Variants in TBC1D19 observed in about 807,000 individuals in gnomAD.
TBC1D19 encodes TBC1 domain family member 19, also known as TBC1 domain family, member 19.
In TBC1D19, 60 loss-of-function variants were observed where a neutral mutation model predicts 89.0. The observed-to-expected ratio is 0.67, with a 90% CI of 0.55 to 0.84. TBC1D19 has a LOEUF of 0.84. Among genes scored for constraint, TBC1D19 ranks in the 40% least tolerant of loss-of-function variants. The pLI is 0.00. For synonymous variants in TBC1D19, 189 were observed against 199.7 expected (o/e 0.95, Z 0.45); for missense variants, 500 against 610.8 (o/e 0.82, Z 1.91).
In TBC1D19 at chr4:26,620,646, T is replaced by G. The variant is rs765103625; in HGVS notation, c.252T>G (p.Pro84=). ...FPLPSHPAAP[P]EHLKEPLVYM... ...TACCTAGTCATCCTGCTGCACCTCCTGAACATCTTAAAGAACCTTTGGTAT... is the reference window on the plus strand; with the variant it reads ...TACCTAGTCATCCTGCTGCACCTCCGGAACATCTTAAAGAACCTTTGGTAT... Residue 84 remains proline, a synonymous_variant, in exon 4 of 21, where the codon CCT becomes CCG. Transcript: ENST00000264866. The G allele has an allele frequency of 1.2e-6, 2 of 1,613,684 alleles. No homozygotes were observed. Among genetic ancestry groups the G allele is most frequent in the Non-Finnish European group, 8.5e-7 (1 of 1,179,884 alleles).
intron 13 of TBC1D19, among the ~76,000 whole-genome samples, chr4:26,717,182 C>T (rs1307989669): frequency 6.6e-6 from 1 of 152,044 alleles, no homozygotes; most frequent in Non-Finnish European, 1.5e-5. Context: ...ACTCTGTGCA[C>T]CTGTTCTGCC....
chr4:26,739,634 G>C (rs1188621825), intron 16 of TBC1D19, among the ~76,000 whole-genome samples: 1 of 151,486 alleles, frequency 6.6e-6, no homozygotes, highest in Non-Finnish European at 1.5e-5. Flanking sequence ...TGTTAAATTG[G>C]GATTATAATA....
At chr4:26,745,652 G>C (rs1358649942) in intron 18 of TBC1D19, among the ~76,000 whole-genome samples, 1 of 151,074 alleles carries the variant, frequency 6.6e-6, no homozygotes, top group African/African-American at 2.4e-5. Flanking sequence ...GATTACAGGT[G>C]CACGCCACCA....
At chr4:26,607,631 G>A (rs2110001502) in intron 1 of TBC1D19, among the ~76,000 whole-genome samples, 1 of 152,250 alleles carries the variant, frequency 6.6e-6, no homozygotes, top group African/African-American at 2.4e-5. Context: ...ATTCTGATAA[G>A]CCATATTCAC....
chr4:26,715,802 A>G (rs1053889453), intron 13 of TBC1D19, among the ~76,000 whole-genome samples: 3 of 152,048 alleles, frequency 2.0e-5, no homozygotes, highest in Non-Finnish European at 4.4e-5. Context: ...CTACAGCACT[A>G]CCAGCTGCTA....
At chr4:26,588,883 G>C (rs1392749741) in intron 1 of TBC1D19, among the ~76,000 whole-genome samples, 1 of 152,132 alleles carries the variant, frequency 6.6e-6, no homozygotes, top group Non-Finnish European at 1.5e-5. Context: ...AGGTCTAGTA[G>C]GCAATTTTGT....
intron 6 of TBC1D19, 50 bp downstream of exon 6, chr4:26,638,884 C>T (rs1743308018): frequency 7.5e-7 from 1 of 1,337,010 alleles, no homozygotes; most frequent in Non-Finnish European, 1.1e-6. Context: ...TAATTGCCTT[C>T]TTAACTGTGG....
At chr4:26,851,161 C>T in the TBC1D19 span, among the ~76,000 whole-genome samples, 2 of 152,182 alleles carry the variant, frequency 1.3e-5, no homozygotes, top group African/African-American at 4.8e-5. Context: ...GATTGAGTTA[C>T]GCCATTGACT....
At chr4:26,808,769 G>A in the TBC1D19 span, among the ~76,000 whole-genome samples, 2 of 151,126 alleles carry the variant, frequency 1.3e-5, no homozygotes, top group South Asian at 4.2e-4. Flanking sequence ...GAAATTTGTA[G>A]CTAAGAGGGA....
chr4:26,673,474 C>CACACA (rs371830256), intron 10 of TBC1D19, among the ~76,000 whole-genome samples: 1 of 147,892 alleles, frequency 6.8e-6, no homozygotes, highest in South Asian at 2.2e-4. Flanking sequence ...CACACACACA[C>CACACA]AATACTAGTT....
At chr4:26,710,516 G>T (rs1434923486) in intron 13 of TBC1D19, among the ~76,000 whole-genome samples, 1 of 152,144 alleles carries the variant, frequency 6.6e-6, no homozygotes, top group Non-Finnish European at 1.5e-5. Flanking sequence ...CTTTATAGCA[G>T]CATGATTTAT....
chr4:26,656,668 C>T (rs752120303), intron 7 of TBC1D19, among the ~76,000 whole-genome samples: 3 of 151,854 alleles, frequency 2.0e-5, no homozygotes, highest in Non-Finnish European at 4.4e-5. Context: ...AAGCAATTCT[C>T]CTGCCTCAGC....
At chr4:26,805,631 A>G in the TBC1D19 span, among the ~76,000 whole-genome samples, 63 of 152,096 alleles carry the variant, frequency 4.1e-4, 1 homozygote, top group East Asian at 7.4e-3. Context: ...CCCAGACCCC[A>G]TCTGGGCTCC....
chr4:26,594,554 CAGAT>C (rs1740069634), intron 1 of TBC1D19, among the ~76,000 whole-genome samples: 1 of 152,102 alleles, frequency 6.6e-6, no homozygotes, highest in Non-Finnish European at 1.5e-5. Flanking sequence ...GGTCATTAGA[CAGAT>C]AAACTCAAGC....
chr4:26,685,112 C>T (rs1713696545), intron 12 of TBC1D19, among the ~76,000 whole-genome samples: 1 of 152,156 alleles, frequency 6.6e-6, no homozygotes. Context: ...AGGCAGGCTA[C>T]TCTGGTAGGA....
At chr4:26,585,657 C>T (rs1291637555) in intron 1 of TBC1D19, among the ~76,000 whole-genome samples, 1 of 149,624 alleles carries the variant, frequency 6.7e-6, no homozygotes, top group Non-Finnish European at 1.5e-5. Context: ...GATCTCGGCT[C>T]ACTACAACCT....
Position 26,613,271 on chromosome 4 carries a change from CA to C in TBC1D19, c.172+34del, listed in dbSNP as rs1315261117. The C allele has an allele frequency of 3.0e-6, 4 of 1,351,436 alleles. No individual in the cohort carries two copies. The Admixed American group carries it at 6.5e-5, about 22-fold the overall frequency. The allele number at this position is 1,351,436 out of a possible 1,614,324, so 83.7% of individuals were successfully genotyped here. ...GTAAGTTTTTCCTAATAACTTAAGG[CA>C]AAATAAGAAAATGTTTTATTTATTC... On this transcript the variant is annotated intron_variant, in intron 2 of 20. Transcript: ENST00000264866.
At chr4:26,826,784 A>C in the TBC1D19 span, among the ~76,000 whole-genome samples, 1 of 152,218 alleles carries the variant, frequency 6.6e-6, no homozygotes, top group Admixed American at 6.5e-5. Context: ...TGGCGGGTGG[A>C]TGTTTATAAT....
chr4:26,677,871 C>T (rs1277488434), intron 11 of TBC1D19, among the ~76,000 whole-genome samples: 3 of 152,186 alleles, frequency 2.0e-5, no homozygotes, highest in Admixed American at 2.0e-4. Context: ...CCTGAGGCCT[C>T]CTCAGCCATG....
Sources: allele counts gnomAD v4.1 joint callset (sites outside exome capture counted in the v4.1 genomes callset), GRCh38; gene constraint gnomAD v4.1.1; transcripts MANE v1.5; gene names NCBI Gene and HGNC (gene_info 2026-07-23, HGNC 2026-07-21).